Variants in SASH1 observed in about 807,000 individuals in gnomAD.
SASH1 encodes the protein SAM and SH3 domain containing 1, also known as SAM and SH3 domain-containing protein 1.
Under a neutral mutation model 125.2 loss-of-function variants are expected in SASH1, and 44 were observed. That is an observed-to-expected ratio of 0.35 (90% CI 0.28 to 0.45). The LOEUF (loss-of-function observed/expected upper bound fraction) is 0.45, where lower values mean the gene tolerates loss of function less well. SASH1 is among the 20% of genes least tolerant of loss of function. SASH1 has a pLI of 1.00. For synonymous variants in SASH1, 639 were observed against 649.1 expected (o/e 0.98, Z 0.24); for missense variants, 1,426 against 1,614.5 (o/e 0.88, Z 2.00).
In SASH1 at chr6:148,356,494, C is replaced by CTTTTTTTTTTTTTT. The variant is rs57183555; in HGVS notation, c.156+13278_156+13291dup. On this transcript the variant is annotated intron_variant, in intron 1 of 19. Coordinates refer to ENST00000367467, the MANE Select transcript of SASH1 (RefSeq NM_015278.5). The stretch of plus-strand genomic sequence containing the variant: ...TCAAATGGTAGATCTACTTTTAGTT[C>CTTTTTTTTTTTTTT]TTTTTTTTTTTTTTTTTTTTGAGAC... Among the ~76,000 whole-genome samples, 61 of 116,250 alleles carry CTTTTTTTTTTTTTT rather than the reference C, an allele frequency of 5.2e-4. 1 individual carries two copies. Among genetic ancestry groups the CTTTTTTTTTTTTTT allele is most frequent in the South Asian group, 8.7e-4 (3 of 3,440 alleles). The allele number at this position is 116,250 out of a possible 152,430, so 76.3% of individuals were successfully genotyped here.
At chr6:148,499,064 T>G (rs1479809801) in intron 8 of SASH1, among the ~76,000 whole-genome samples, 1 of 150,410 alleles carries the variant, frequency 6.6e-6, no homozygotes, top group African/African-American at 2.4e-5. Flanking sequence ...TTTGTTTTTT[T>G]TTTTTTTTTT....
At chr6:148,535,236 C>G (rs570418214) in intron 16 of SASH1, among the ~76,000 whole-genome samples, 1 of 152,200 alleles carries the variant, frequency 6.6e-6, no homozygotes, top group Non-Finnish European at 1.5e-5. Flanking sequence ...GCCACCTTTC[C>G]GGGCATGTTT....
At chr6:148,547,976 C>G (rs1046724358) in intron 19 of SASH1, among the ~76,000 whole-genome samples, 2 of 152,210 alleles carry the variant, frequency 1.3e-5, no homozygotes, top group African/African-American at 4.8e-5. Flanking sequence ...CCTTAGGGCT[C>G]TTTGTCAAGA....
At chr6:148,280,999 A>G (rs1354090461) in intron 1 of SASH1, among the ~76,000 whole-genome samples, 1 of 150,636 alleles carries the variant, frequency 6.6e-6, no homozygotes, top group Non-Finnish European at 1.5e-5. Context: ...GCTGGAATGC[A>G]GTGTCATGAT....
At chr6:148,458,930 G>A (rs1459094466) in intron 4 of SASH1, among the ~76,000 whole-genome samples, 1 of 147,724 alleles carries the variant, frequency 6.8e-6, no homozygotes, top group Non-Finnish European at 1.5e-5. Flanking sequence ...TTGTGCCACT[G>A]TATTCTAGCC....
chr6:148,295,601 AC>A (rs759942518), intron 1 of SASH1, among the ~76,000 whole-genome samples: 34 of 152,208 alleles, frequency 2.2e-4, no homozygotes, highest in Admixed American at 3.9e-4. Context: ...TTACTGATCA[AC>A]CGGGTGACAA....
intron 2 of SASH1, among the ~76,000 whole-genome samples, chr6:148,407,721 C>T (rs78140288): frequency 0.14 from 20,614 of 152,108 alleles, 1,537 homozygotes; most frequent in African/African-American, 0.2. Context: ...CAACCTCTGC[C>T]GCCCGAGTTG....
chr6:148,288,038 G>A (rs1779531590), intron 1 of SASH1, among the ~76,000 whole-genome samples: 2 of 152,212 alleles, frequency 1.3e-5, no homozygotes. Context: ...AAAATAAACT[G>A]CAGACAGAAA....
At chr6:148,265,081 C>G in the SASH1 span, among the ~76,000 whole-genome samples, 1 of 152,220 alleles carries the variant, frequency 6.6e-6, no homozygotes, top group Admixed American at 6.5e-5. Context: ...ATAATTTCTC[C>G]TTGATTTTTA....
intron 7 of SASH1, among the ~76,000 whole-genome samples, chr6:148,474,765 T>G (rs1029358321): frequency 2.6e-5 from 4 of 152,002 alleles, no homozygotes; most frequent in African/African-American, 9.7e-5. Flanking sequence ...AGAGACAGGG[T>G]CTCTTCATGT....
At position 148,343,175 on chromosome 6, in the gene SASH1, C is replaced by T. The variant is rs2114633447; in HGVS notation, c.108C>T (p.Gly36=). 6.2e-7 allele frequency: 1 copy of T among 1,600,326 alleles called. No homozygotes were observed. The highest frequency in any genetic ancestry group is 8.5e-7 in the Non-Finnish European group (1 of 1,179,204). Residue 36 remains glycine (G), a synonymous_variant, in exon 1 of 20, where the codon GGC becomes GGT. Transcript: ENST00000367467. ...AACCGGAGCCCAAGCCGGGTGCTGG[C>T]ACATCCGAGGCGTTCTCCCGACTCT... ...EPEPEPKPGA[G]TSEAFSRLWT...
chr6:148,474,028 C>T (rs188691655), intron 6 of SASH1, 82 bp from the exon 7 acceptor site: 9 of 874,216 alleles, frequency 1.0e-5, no homozygotes, highest in Non-Finnish European at 9.4e-6. Context: ...TTCTCTAGCC[C>T]GAGACAGCAG....
intron 1 of SASH1, among the ~76,000 whole-genome samples, chr6:148,275,797 T>C (rs1216775438): frequency 6.6e-6 from 1 of 152,214 alleles, no homozygotes; most frequent in Non-Finnish European, 1.5e-5. Context: ...TCATGGCCCA[T>C]GGCAGCCTTG....
intron 4 of SASH1, among the ~76,000 whole-genome samples, chr6:148,457,614 C>T (rs1442588833): frequency 6.6e-6 from 1 of 152,168 alleles, no homozygotes; most frequent in Non-Finnish European, 1.5e-5. Flanking sequence ...TATGAATCTA[C>T]TTTGGTAAGC....
the SASH1 span, among the ~76,000 whole-genome samples, chr6:148,231,887 C>A: frequency 1.3e-5 from 2 of 151,828 alleles, no homozygotes; most frequent in East Asian, 3.9e-4. Context: ...CTCTTTGATA[C>A]GTGAGCATGA....
At chr6:148,354,878 G>T (rs1304578010) in intron 1 of SASH1, among the ~76,000 whole-genome samples, 1 of 152,148 alleles carries the variant, frequency 6.6e-6, no homozygotes, top group African/African-American at 2.4e-5. Context: ...TTCTCCCTCA[G>T]CATCCCAAGT....
chr6:148,226,713 T>C, the SASH1 span, among the ~76,000 whole-genome samples: 1 of 152,226 alleles, frequency 6.6e-6, no homozygotes, highest in Non-Finnish European at 1.5e-5. Flanking sequence ...AAAATGGCTG[T>C]TGTAAGTACA....
chr6:148,440,633 A>G (rs1189771600), intron 4 of SASH1: 9 of 552,562 alleles, frequency 1.6e-5, no homozygotes, highest in Non-Finnish European at 2.9e-5. Context: ...CTGATTTTAC[A>G]CTTATTGTGA....
intron 7 of SASH1, among the ~76,000 whole-genome samples, chr6:148,474,907 T>C (rs1223497036): frequency 2.6e-5 from 4 of 152,220 alleles, no homozygotes; most frequent in Non-Finnish European, 5.9e-5. Flanking sequence ...CTTCACAAAC[T>C]GAATTTTGAA....
Sources: gnomAD v4.1 joint callset for allele counts (sites outside exome capture counted in the v4.1 genomes callset) on GRCh38, gnomAD v4.1.1 for gene constraint, MANE v1.5 for transcripts, NCBI Gene and HGNC (gene_info 2026-07-23, HGNC 2026-07-21) for gene names.